Variants in SNX13 observed in about 807,000 individuals in gnomAD.
SNX13 encodes the protein sorting nexin-13.
A neutral mutation model predicts 133.6 loss-of-function variants in SNX13; 45 were observed. The observed-to-expected ratio is 0.34, with a 90% CI of 0.27 to 0.43. The LOEUF (loss-of-function observed/expected upper bound fraction) is 0.43. Among genes scored for constraint, SNX13 ranks in the 20% least tolerant of loss-of-function variants. The pLI, the probability that SNX13 is intolerant of heterozygous loss-of-function variation, is 1.00. For synonymous variants in SNX13, 414 were observed against 373.9 expected (o/e 1.11, Z -1.24); for missense variants, 1,032 against 1,145.1 (o/e 0.90, Z 1.43).
chr7:17,873,858 T>TA (rs1229967211), intron 7 of SNX13, among the ~76,000 whole-genome samples: 1 of 152,190 alleles, frequency 6.6e-6, no homozygotes, highest in African/African-American at 2.4e-5. Context: ...TTTTGAATCA[T>TA]AAAAAAATTT....
At chr7:17,810,075 C>G (rs1785824058) in intron 20 of SNX13, among the ~76,000 whole-genome samples, 1 of 151,788 alleles carries the variant, frequency 6.6e-6, no homozygotes, top group East Asian at 1.9e-4. Flanking sequence ...GAAGCAAGAG[C>G]AAACAAATTC....
chr7:17,863,069 C>A (rs1253746135), intron 9 of SNX13, among the ~76,000 whole-genome samples: 5 of 152,164 alleles, frequency 3.3e-5, no homozygotes, highest in Non-Finnish European at 7.3e-5. Flanking sequence ...TGCTTTGAAA[C>A]TGAGAACTGC....
intron 1 of SNX13, among the ~76,000 whole-genome samples, chr7:17,905,222 G>C (rs1432957955): frequency 1.3e-5 from 2 of 151,972 alleles, no homozygotes; most frequent in African/African-American, 4.8e-5. Flanking sequence ...TTTATGTGTG[G>C]GTATGAGTAC....
At chr7:17,889,141 A>G (rs911045330) in intron 5 of SNX13, 1 of 154,050 alleles carries the variant, frequency 6.5e-6, no homozygotes, top group Non-Finnish European at 1.4e-5. Context: ...CATATGAAAT[A>G]AAAGAGATTA....
chr7:17,813,694 C>T (rs912734410), intron 20 of SNX13, among the ~76,000 whole-genome samples: 10 of 151,756 alleles, frequency 6.6e-5, no homozygotes, highest in African/African-American at 2.4e-4. Flanking sequence ...TCAAGCAATC[C>T]TCCCACCTCA....
At chr7:17,840,276 A>C (rs1789718561) in intron 12 of SNX13, among the ~76,000 whole-genome samples, 1 of 152,066 alleles carries the variant, frequency 6.6e-6, no homozygotes, top group Non-Finnish European at 1.5e-5. Flanking sequence ...TTGTTACATA[A>C]AACATTCAAC....
chr7:17,844,746 CAA>C (rs36046893), intron 12 of SNX13, among the ~76,000 whole-genome samples: 4 of 134,142 alleles, frequency 3.0e-5, no homozygotes, highest in Non-Finnish European at 3.3e-5. Context: ...GTTGAACATA[CAA>C]AAAAAAAAAA....
chr7:17,834,310 A>T, intron 14 of SNX13, 126 bp from the exon 15 acceptor site: 1 of 794,970 alleles, frequency 1.3e-6, no homozygotes, highest in Non-Finnish European at 1.8e-6. Flanking sequence ...AGCTGTCAGC[A>T]ATAAGACTAT....
At position 17,792,361 on chromosome 7, in the gene SNX13, G is replaced by C. The variant is rs1470150636; in HGVS notation, c.*1684C>G. On this transcript the variant is annotated 3_prime_UTR_variant, in exon 26 of 26. Transcript: ENST00000428135. ...TTCTCACTTGCAAGTTGCAATGAAA[G>C]GGATTTCATTTTATGTAATTCTGAA... is the stretch of plus-strand genomic sequence containing the variant. 1 of 151,984 alleles carries C rather than the reference G, an allele frequency of 6.6e-6. No individual in the cohort carries two copies. Among genetic ancestry groups the C allele is most frequent in the Admixed American group, 6.6e-5 (1 of 15,244 alleles). The allele number at this position is 151,984 out of a possible 1,614,324, so 9.4% of individuals were successfully genotyped here.
intron 15 of SNX13, chr7:17,831,827 A>G (rs1437508487): frequency 1.0e-6 from 1 of 982,784 alleles, no homozygotes; most frequent in Non-Finnish European, 1.2e-6. Context: ...ATAATCATAT[A>G]AAAAGAAGTA....
intron 18 of SNX13, among the ~76,000 whole-genome samples, chr7:17,816,658 C>T (rs1351410748): frequency 2.0e-5 from 3 of 151,622 alleles, no homozygotes; most frequent in East Asian, 3.9e-4. Flanking sequence ...AGCAAAACTC[C>T]GTCTCAAAAA....
At chr7:17,889,676 T>TTA (rs1379011572) in intron 5 of SNX13, 1 of 151,936 alleles carries the variant, frequency 6.6e-6, no homozygotes, top group Non-Finnish European at 1.5e-5. Context: ...AAAGTAAACA[T>TTA]AATTTAAACA....
At chr7:17,811,922 G>T (rs1411840336) in intron 20 of SNX13, among the ~76,000 whole-genome samples, 1 of 152,128 alleles carries the variant, frequency 6.6e-6, no homozygotes, top group Admixed American at 6.5e-5. Context: ...AATAAATGGT[G>T]TTGGAAAAAC....
At chr7:17,936,213 A>G (rs957060551) in intron 1 of SNX13, among the ~76,000 whole-genome samples, 3 of 152,224 alleles carry the variant, frequency 2.0e-5, no homozygotes, top group African/African-American at 7.2e-5. Context: ...GAAGAAACCT[A>G]TTAACTTTCT....
chr7:17,868,286 C>G, intron 9 of SNX13, 121 bp downstream of exon 9: 1 of 731,240 alleles, frequency 1.4e-6, no homozygotes, highest in South Asian at 1.9e-5. Flanking sequence ...GAGATTACTT[C>G]AGAAACATTT....
intron 9 of SNX13, among the ~76,000 whole-genome samples, chr7:17,860,344 G>A (rs1792509697): frequency 6.6e-6 from 1 of 152,032 alleles, no homozygotes; most frequent in African/African-American, 2.4e-5. Context: ...TTTTCCTGTT[G>A]TTGAGTAGTA....
intron 20 of SNX13, among the ~76,000 whole-genome samples, chr7:17,812,661 T>C (rs1458685038): frequency 6.6e-6 from 1 of 152,166 alleles, no homozygotes; most frequent in Non-Finnish European, 1.5e-5. Context: ...ACCCAAAGGA[T>C]GATAAATCAT....
At chr7:17,886,007 CA>C (rs1019953135) in intron 5 of SNX13, among the ~76,000 whole-genome samples, 21 of 151,312 alleles carry the variant, frequency 1.4e-4, no homozygotes, top group African/African-American at 4.4e-4. Flanking sequence ...AATGGTAAAA[CA>C]AAAAAAAGGA....
chr7:17,888,461 C>A (rs2127989902), intron 5 of SNX13: 2 of 211,252 alleles, frequency 9.5e-6, no homozygotes, highest in South Asian at 5.9e-5. Flanking sequence ...AGATAAATAA[C>A]CTAGATTATA....
Sources: gnomAD v4.1 joint callset for allele counts (sites outside exome capture counted in the v4.1 genomes callset) on GRCh38, gnomAD v4.1.1 for gene constraint, MANE v1.5 for transcripts, NCBI Gene and HGNC (gene_info 2026-07-23, HGNC 2026-07-21) for gene names.